The following MLLT3 variants were observed in gnomAD, a reference collection of about 807,000 sequenced individuals.
MLLT3 encodes the protein protein AF-9.
A neutral mutation model predicts 53.2 loss-of-function variants in MLLT3; 4 were observed. The ratio of observed to expected loss-of-function variants is 0.08; its 90% CI spans 0.04 to 0.17. MLLT3 has a LOEUF of 0.17. MLLT3 is among the 10% of genes least tolerant of loss of function. The pLI, the probability that MLLT3 is intolerant of heterozygous loss-of-function variation, is 1.00. For missense variants in MLLT3, 569 were observed against 684.0 expected (o/e 0.83, Z 1.87); for synonymous variants, 283 against 230.6 (o/e 1.23, Z -2.06).
At chr9:20,434,199 A>T (rs1823346402) in intron 4 of MLLT3, among the ~76,000 whole-genome samples, 2 of 152,144 alleles carry the variant, frequency 1.3e-5, no homozygotes, top group African/African-American at 4.8e-5. Flanking sequence ...GAGGATAACA[A>T]GTTAATAATG....
intron 4 of MLLT3, among the ~76,000 whole-genome samples, chr9:20,437,822 A>G (rs1025495538): frequency 4.6e-5 from 7 of 152,168 alleles, no homozygotes; most frequent in African/African-American, 7.2e-5. Flanking sequence ...CACTTCACTT[A>G]ATCTTTACTT....
intron 2 of MLLT3, among the ~76,000 whole-genome samples, chr9:20,520,693 G>C (rs1435714690): frequency 6.6e-6 from 1 of 152,216 alleles, no homozygotes; most frequent in African/African-American, 2.4e-5. Flanking sequence ...CAGAGAGATG[G>C]TTGAACTGAG....
At chr9:20,566,008 ATATT>A (rs1563820792) in intron 2 of MLLT3, among the ~76,000 whole-genome samples, 1 of 127,656 alleles carries the variant, frequency 7.8e-6, no homozygotes, top group East Asian at 2.0e-4. Flanking sequence ...ATTTATATAT[ATATT>A]TTTATATATA....
chr9:20,561,556 T>A (rs1819212364), intron 2 of MLLT3, among the ~76,000 whole-genome samples: 2 of 152,156 alleles, frequency 1.3e-5, no homozygotes, highest in South Asian at 4.1e-4. Context: ...TGTGTCCAAG[T>A]TTCCTTTCCA....
Position 20,585,506 on chromosome 9 carries a change from C to G in MLLT3, c.193+35148G>C, listed in dbSNP as rs116383232. Among the ~76,000 whole-genome samples, 1,075 of 152,310 alleles carry G rather than the reference C, an allele frequency of 7.1e-3. 11 individuals carry two copies. The highest frequency in any genetic ancestry group is 0.024 in the African/African-American group (1,018 of 41,570). ...TTGTAAAGAACCGTGAAACCATCTT[C>G]AAAAGTGGCTGTGTCACTGTGCACT... On this transcript the variant is annotated intron_variant, in intron 2 of 10. Coordinates refer to ENST00000380338, the MANE Select transcript of MLLT3 (RefSeq NM_004529.4).
chr9:20,451,548 A>G (rs1236712165), intron 3 of MLLT3, among the ~76,000 whole-genome samples: 2 of 152,196 alleles, frequency 1.3e-5, no homozygotes, highest in East Asian at 1.9e-4. Flanking sequence ...TTAAGTAAGA[A>G]AAAAGTACTC....
At chr9:20,446,878 T>G (rs540879586) in intron 4 of MLLT3, among the ~76,000 whole-genome samples, 1 of 152,216 alleles carries the variant, frequency 6.6e-6, no homozygotes, top group Admixed American at 6.5e-5. Context: ...ATTTCTCCCA[T>G]AGAATACTCT....
chr9:20,494,843 C>T (rs1411376671), intron 2 of MLLT3, among the ~76,000 whole-genome samples: 1 of 152,084 alleles, frequency 6.6e-6, no homozygotes, highest in Non-Finnish European at 1.5e-5. Context: ...ACTGAAAAAA[C>T]AACTGTTTTA....
intron 2 of MLLT3, among the ~76,000 whole-genome samples, chr9:20,494,549 T>C (rs1053573973): frequency 6.6e-6 from 1 of 152,206 alleles, no homozygotes; most frequent in African/African-American, 2.4e-5. Context: ...TATAATCTAA[T>C]TGCCTGAAGT....
intron 2 of MLLT3, among the ~76,000 whole-genome samples, chr9:20,609,859 T>C (rs1452698179): frequency 6.6e-6 from 1 of 152,138 alleles, no homozygotes; most frequent in Admixed American, 6.6e-5. Flanking sequence ...ACACTGATGT[T>C]CATATATTGG....
At chr9:20,421,710 A>G (rs978161031) in intron 4 of MLLT3, among the ~76,000 whole-genome samples, 4 of 152,224 alleles carry the variant, frequency 2.6e-5, no homozygotes, top group Non-Finnish European at 5.9e-5. Flanking sequence ...AATTTCTTGC[A>G]TGTAAAATTT....
At chr9:20,365,881 G>A (rs953079867) in intron 5 of MLLT3, 137 bp from the exon 6 acceptor site, 5 of 789,984 alleles carry the variant, frequency 6.3e-6, no homozygotes, top group Non-Finnish European at 1.0e-5. Flanking sequence ...ACTAACACAG[G>A]AGAGTCATGT....
At chr9:20,463,288 G>GA (rs1563975406) in intron 2 of MLLT3, among the ~76,000 whole-genome samples, 2 of 151,146 alleles carry the variant, frequency 1.3e-5, no homozygotes, top group Non-Finnish European at 2.9e-5. Context: ...GGGTGGGGGG[G>GA]AGGAGAAATT....
intron 5 of MLLT3, among the ~76,000 whole-genome samples, chr9:20,389,061 T>C (rs1319841090): frequency 6.6e-6 from 1 of 152,228 alleles, no homozygotes; most frequent in African/African-American, 2.4e-5. Flanking sequence ...AAACCTGTTT[T>C]CAGCCATTCA....
chr9:20,424,578 A>G (rs1282574093), intron 4 of MLLT3, among the ~76,000 whole-genome samples: 1 of 152,214 alleles, frequency 6.6e-6, no homozygotes, highest in Admixed American at 6.5e-5. Flanking sequence ...GTCATTAGGA[A>G]GAGAGAGAAT....
intron 5 of MLLT3, among the ~76,000 whole-genome samples, chr9:20,379,943 G>A (rs1821866348): frequency 1.3e-5 from 2 of 152,006 alleles, no homozygotes; most frequent in South Asian, 4.1e-4. Flanking sequence ...GGCAGGTACT[G>A]GATTCAAGAA....
chr9:20,485,310 TTTAAAGCAAGAGCATATTC>T (rs950100020), intron 2 of MLLT3, among the ~76,000 whole-genome samples: 1 of 152,162 alleles, frequency 6.6e-6, no homozygotes, highest in Non-Finnish European at 1.5e-5. Flanking sequence ...TTCACCAGAT[TTTAAAGCAAGAGCATATTC>T]AAGTCTCCGT....
intron 4 of MLLT3, among the ~76,000 whole-genome samples, chr9:20,439,857 G>C (rs986075734): frequency 1.3e-5 from 2 of 151,946 alleles, no homozygotes; most frequent in East Asian, 3.9e-4. Flanking sequence ...CTTCTTTTTT[G>C]CTTTTCTAGA....
chr9:20,618,659 A>C (rs185429410), intron 2 of MLLT3, among the ~76,000 whole-genome samples: 8 of 152,358 alleles, frequency 5.3e-5, no homozygotes, highest in African/African-American at 1.7e-4. Flanking sequence ...ACCTCTGAGA[A>C]GTCATCACTG....
Sources: allele counts gnomAD v4.1 joint callset (sites outside exome capture counted in the v4.1 genomes callset), GRCh38; gene constraint gnomAD v4.1.1; transcripts MANE v1.5; gene names NCBI Gene and HGNC (gene_info 2026-07-23, HGNC 2026-07-21).